Variants in COG5 observed in about 807,000 individuals in gnomAD.
COG5 encodes the protein conserved oligomeric Golgi complex subunit 5.
COG5 carries 86 observed loss-of-function variants against 110.4 expected under a neutral mutation model. That is an observed-to-expected ratio of 0.78 (90% CI 0.65 to 0.93). The LOEUF (loss-of-function observed/expected upper bound fraction) is 0.93, where lower values mean the gene tolerates loss of function less well. COG5 is among the 40% of genes least tolerant of loss of function. The pLI, the probability that COG5 is intolerant of heterozygous loss-of-function variation, is 0.00. For missense variants in COG5, 1,077 were observed against 987.0 expected, an observed-to-expected ratio of 1.09 and a Z score of -1.22; for synonymous variants, 360 against 334.6, an observed-to-expected ratio of 1.08 and a Z score of -0.83.
At chr7:107,375,975 C>T (rs536337371) in intron 7 of COG5, among the ~76,000 whole-genome samples, 17 of 152,036 alleles carry the variant, frequency 1.1e-4, no homozygotes, top group African/African-American at 3.6e-4. Flanking sequence ...AAATACAATT[C>T]ACCTGGAATT....
At chr7:107,497,008 G>C (rs539594249) in intron 6 of COG5, among the ~76,000 whole-genome samples, 1 of 151,960 alleles carries the variant, frequency 6.6e-6, no homozygotes, top group Non-Finnish European at 1.5e-5. Context: ...CCAGGAGTTC[G>C]AGACCAGCCT....
In COG5 at chr7:107,548,315, G is replaced by A; in HGVS notation, c.310C>T (p.Gln104Ter). 1 of 1,613,744 alleles carries A rather than the reference G, an allele frequency of 6.2e-7. No homozygotes were observed. Among genetic ancestry groups the A allele is most frequent in the Non-Finnish European group, 8.5e-7 (1 of 1,179,690 alleles). The change falls in exon 4 of 22, where the codon CAG (glutamine) becomes TAG (stop). Residue 104 changes from glutamine (Q) to a stop codon, truncating the protein, a stop_gained. Transcript: ENST00000297135. LOFTEE classifies it high-confidence loss of function. ...ESLEGVLQMM[Q>*]TRIGALQGAV... ...CCCTGTAAAGCCCCAATTCTCGTCT[G>A]CATCATCTGAAGAACACCTAGGAAA...
chr7:107,541,694 A>T (rs1023627293), intron 5 of COG5, among the ~76,000 whole-genome samples: 2 of 151,180 alleles, frequency 1.3e-5, no homozygotes, highest in African/African-American at 4.8e-5. Context: ...GCACTTTGGG[A>T]GGCTGAGGCG....
At chr7:107,220,866 G>A (rs1799873423) in intron 19 of COG5, among the ~76,000 whole-genome samples, 1 of 145,008 alleles carries the variant, frequency 6.9e-6, no homozygotes, top group Admixed American at 7.1e-5. Flanking sequence ...CGCCCAGGCT[G>A]GAATGCAGTG....
chr7:107,394,150 A>G (rs1309306331), intron 7 of COG5, among the ~76,000 whole-genome samples: 2 of 151,950 alleles, frequency 1.3e-5, no homozygotes, highest in Admixed American at 6.6e-5. Flanking sequence ...TTTTTAGTAG[A>G]GACAGGGTTT....
At chr7:107,298,091 A>G in intron 12 of COG5, 51 bp downstream of exon 12, 3 of 874,996 alleles carry the variant, frequency 3.4e-6, no homozygotes, top group South Asian at 5.8e-5. Flanking sequence ...AAAATTTAAA[A>G]TAAAAATAAA....
chr7:107,302,415 A>G (rs550293859), intron 11 of COG5, among the ~76,000 whole-genome samples: 1 of 152,300 alleles, frequency 6.6e-6, no homozygotes, highest in East Asian at 1.9e-4. Flanking sequence ...GTACAAGGAA[A>G]CTTTTGGCAG....
At chr7:107,347,812 T>G (rs1811758912) in intron 10 of COG5, among the ~76,000 whole-genome samples, 1 of 152,106 alleles carries the variant, frequency 6.6e-6, no homozygotes, top group Non-Finnish European at 1.5e-5. Context: ...TCCAGTACAA[T>G]GCAGAAAATA....
chr7:107,236,464 C>G lies in COG5; in HGVS notation c.2077G>C (p.Ala693Pro). Residue 693 changes from alanine (A) to proline (P), a missense_variant, in exon 18 of 22, where the codon GCT becomes CCT. Transcript: ENST00000297135. ...CATCAATGTACCTGTGCAAAATCAG[C>G]AGCAAGTCGCATTTTCCCACCTTCA... Reference protein sequence around the residue: ...LGEGGKMRLAADFAQMELAVG... With the variant: ...LGEGGKMRLAPDFAQMELAVG... 1 of 1,613,694 alleles carries G rather than the reference C, an allele frequency of 6.2e-7. No homozygotes were observed. The highest frequency in any genetic ancestry group is 8.5e-7 in the Non-Finnish European group (1 of 1,179,580).
chr7:107,399,742 C>T (rs948463545), intron 7 of COG5, among the ~76,000 whole-genome samples: 1 of 152,166 alleles, frequency 6.6e-6, no homozygotes, highest in Non-Finnish European at 1.5e-5. Flanking sequence ...AAAATTCTTA[C>T]AACTCAGTAA....
chr7:107,282,477 G>A (rs191151134), intron 13 of COG5, among the ~76,000 whole-genome samples: 112 of 152,250 alleles, frequency 7.4e-4, no homozygotes, highest in African/African-American at 2.6e-3. Context: ...TTGTAGGTAC[G>A]TTTGCAGCAA....
intron 12 of COG5, 23 bp from the exon 13 acceptor site, chr7:107,283,755 A>T (rs781324373): frequency 5.7e-6 from 9 of 1,588,264 alleles, no homozygotes; most frequent in Admixed American, 5.0e-5. Context: ...AATTTTTTAA[A>T]AACTAACTTA....
chr7:107,299,517 G>A (rs1420135745), intron 11 of COG5, among the ~76,000 whole-genome samples: 2 of 151,922 alleles, frequency 1.3e-5, no homozygotes, highest in Admixed American at 1.3e-4. Context: ...TATACTTGTT[G>A]ATTCTTTTAG....
Position 107,491,019 on chromosome 7 carries a change from T to G in COG5, c.538+36218A>C, listed in dbSNP as rs539969324. ...CATTTACCCTCAGTAGAAGTCTTCC[T>G]AACTAATCCTTGCAGTTTTTATTGT... On this transcript the variant is annotated intron_variant, in intron 6 of 21. Transcript: ENST00000297135. Among the ~76,000 whole-genome samples, 11 of 152,258 alleles carry G rather than the reference T, an allele frequency of 7.2e-5. No homozygotes were observed. In the South Asian group the frequency reaches 2.3e-3, roughly 32 times the overall value.
At chr7:107,409,463 G>A (rs1792117496) in intron 7 of COG5, among the ~76,000 whole-genome samples, 1 of 150,710 alleles carries the variant, frequency 6.6e-6, no homozygotes, top group South Asian at 2.1e-4. Context: ...TGTAGACTGG[G>A]GACTATATGA....
intron 6 of COG5, among the ~76,000 whole-genome samples, chr7:107,496,293 G>A (rs1470600081): frequency 6.6e-6 from 1 of 152,134 alleles, no homozygotes; most frequent in Non-Finnish European, 1.5e-5. Context: ...ATTCAGCTGT[G>A]TATTAAAAGG....
intron 10 of COG5, among the ~76,000 whole-genome samples, chr7:107,334,705 G>T (rs986863557): frequency 6.6e-6 from 1 of 151,124 alleles, no homozygotes; most frequent in Non-Finnish European, 1.5e-5. Context: ...AAAGGAAGAA[G>T]ACAGAAGTTG....
At chr7:107,515,963 T>G (rs1799891099) in intron 6 of COG5, among the ~76,000 whole-genome samples, 1 of 152,204 alleles carries the variant, frequency 6.6e-6, no homozygotes, top group Non-Finnish European at 1.5e-5. Context: ...TACATTACCT[T>G]ACTCATGCTT....
intron 16 of COG5, among the ~76,000 whole-genome samples, chr7:107,249,263 A>T (rs1390279725): frequency 1.3e-5 from 2 of 151,976 alleles, no homozygotes; most frequent in Non-Finnish European, 2.9e-5. Context: ...TCATTGTCAC[A>T]GTTGGGGATG....
Sources: allele counts gnomAD v4.1 joint callset (sites outside exome capture counted in the v4.1 genomes callset), GRCh38; gene constraint gnomAD v4.1.1; transcripts MANE v1.5; gene names NCBI Gene and HGNC (gene_info 2026-07-23, HGNC 2026-07-21).